CLASP1: variants seen among roughly 807,000 people sequenced by gnomAD.
CLASP1 encodes the protein CLIP-associating protein 1.
CLASP1 carries 38 observed loss-of-function variants against 192.3 expected under a neutral mutation model. The observed-to-expected ratio is 0.20, with a 90% CI of 0.15 to 0.26. The LOEUF is 0.26. Among genes scored for constraint, CLASP1 ranks in the 10% least tolerant of loss-of-function variants. CLASP1 has a pLI of 1.00. For synonymous variants in CLASP1, 691 were observed against 712.8 expected (o/e 0.97, Z 0.49); for missense variants, 1,433 against 1,932.5 (o/e 0.74, Z 4.85).
chr2:121,500,418 A>G (rs994837200), intron 8 of CLASP1, among the ~76,000 whole-genome samples: 13 of 150,692 alleles, frequency 8.6e-5, no homozygotes, highest in African/African-American at 3.2e-4. Flanking sequence ...AGAAAGAAAA[A>G]AAAGAAAAGA....
chr2:121,434,044 T>A (rs962118503), intron 19 of CLASP1, among the ~76,000 whole-genome samples: 1 of 152,224 alleles, frequency 6.6e-6, no homozygotes, highest in African/African-American at 2.4e-5. Flanking sequence ...TTTTGGAGTA[T>A]CTTTTCCATT....
chr2:121,436,587 T>C (rs1042579291), intron 19 of CLASP1, among the ~76,000 whole-genome samples: 2 of 151,774 alleles, frequency 1.3e-5, no homozygotes, highest in Non-Finnish European at 2.9e-5. Flanking sequence ...ATTTTGGTAT[T>C]ATAAGCAGAG....
chr2:121,410,189 T>G (rs1042762232), intron 24 of CLASP1, among the ~76,000 whole-genome samples: 29 of 152,126 alleles, frequency 1.9e-4, no homozygotes, highest in African/African-American at 6.8e-4. Context: ...AACCAGAATA[T>G]GCAAGAGACT....
intron 1 of CLASP1, among the ~76,000 whole-genome samples, chr2:121,607,852 T>C (rs1053082126): frequency 6.6e-6 from 1 of 152,118 alleles, no homozygotes; most frequent in Non-Finnish European, 1.5e-5. Flanking sequence ...AATCTCAACG[T>C]AAAAACATTG....
At chr2:121,373,947 A>G (rs1273534429) in intron 34 of CLASP1, among the ~76,000 whole-genome samples, 1 of 152,214 alleles carries the variant, frequency 6.6e-6, no homozygotes, top group Non-Finnish European at 1.5e-5. Flanking sequence ...AGAAAAACCC[A>G]TTTTTGGGAA....
intron 1 of CLASP1, among the ~76,000 whole-genome samples, chr2:121,639,800 T>C (rs2071663757): frequency 6.7e-6 from 1 of 149,344 alleles, no homozygotes; most frequent in Admixed American, 6.7e-5. Context: ...GAGGCAGAGG[T>C]TGCAGTAAGC....
chr2:121,492,291 A>G (rs993609698), intron 8 of CLASP1, among the ~76,000 whole-genome samples: 1 of 147,442 alleles, frequency 6.8e-6, no homozygotes, highest in African/African-American at 2.5e-5. Context: ...CGGGAGGCTG[A>G]GGCAGTAGAA....
chr2:121,423,734 T>A (rs1242113620), intron 22 of CLASP1, among the ~76,000 whole-genome samples: 1 of 152,180 alleles, frequency 6.6e-6, no homozygotes, highest in African/African-American at 2.4e-5. Context: ...CCAAATAACT[T>A]GTCAGCTAAG....
Position 121,504,578 on chromosome 2 carries a change from T to C in CLASP1, c.645-1344A>G, listed in dbSNP as rs920885353. The stretch of plus-strand genomic sequence containing the variant: ...AAACTGTAGGTATTCACACAAGCTC[T>C]GGTGTTAGTTCATTCATTTGTTCAT... On this transcript the variant is annotated intron_variant, in intron 7 of 39. Transcript: ENST00000263710. Among the ~76,000 whole-genome samples the C allele has an allele frequency of 7.2e-5, 11 of 152,350 alleles. No homozygotes were observed. In the East Asian group the frequency reaches 2.1e-3, roughly 29 times the overall value.
Position 121,459,962 on chromosome 2 carries a change from G to C in CLASP1, c.1178+18C>G. 6.2e-7 allele frequency: 1 copy of C among 1,603,214 alleles called. No homozygotes were observed. The highest frequency in any genetic ancestry group is 8.5e-7 in the Non-Finnish European group (1 of 1,174,986). On this transcript the variant is annotated intron_variant, in intron 12 of 39. Coordinates refer to ENST00000263710, the Ensembl canonical transcript of CLASP1. ...GACACTATTTTATGGTGAGAATATG[G>C]AGCATCGCAGTCCTTACCCCAACGT...
At chr2:121,621,083 T>C (rs2067261896) in intron 1 of CLASP1, among the ~76,000 whole-genome samples, 1 of 151,954 alleles carries the variant, frequency 6.6e-6, no homozygotes, top group African/African-American at 2.4e-5. Context: ...CAAAAATTAA[T>C]TGGTACATGC....
intron 1 of CLASP1, among the ~76,000 whole-genome samples, chr2:121,618,786 AG>A (rs1289780761): frequency 1.3e-5 from 2 of 152,194 alleles, no homozygotes; most frequent in African/African-American, 4.8e-5. Flanking sequence ...CTAGATACTA[AG>A]AAGATGAAAT....
intron 8 of CLASP1, among the ~76,000 whole-genome samples, chr2:121,478,741 CCCACACACA>C (rs2092055426): frequency 1.6e-4 from 8 of 51,366 alleles, no homozygotes; most frequent in African/African-American, 3.5e-4. Context: ...ACACACACAC[CCCACACACA>C]CCACACACAC....
chr2:121,502,502 AT>A (rs1369906706), intron 8 of CLASP1, among the ~76,000 whole-genome samples: 3 of 152,236 alleles, frequency 2.0e-5, no homozygotes, highest in Non-Finnish European at 4.4e-5. Context: ...CACAGGGCAA[AT>A]ACTTCAGGCA....
chr2:121,570,369 A>G (rs1490143269), intron 2 of CLASP1, among the ~76,000 whole-genome samples: 1 of 152,244 alleles, frequency 6.6e-6, no homozygotes, highest in Admixed American at 6.5e-5. Context: ...CATAAAGCCA[A>G]TCTTCTCTTG....
intron 2 of CLASP1, among the ~76,000 whole-genome samples, chr2:121,591,562 G>A (rs2062407422): frequency 6.6e-6 from 1 of 152,190 alleles, no homozygotes; most frequent in Admixed American, 6.5e-5. Context: ...CTACAGTGCT[G>A]CAGGGAAGTC....
chr2:121,452,745 C>T lies in CLASP1; in HGVS notation c.1386-896G>A, dbSNP rs559495159. On this transcript the variant is annotated intron_variant, in intron 14 of 39. Transcript: ENST00000263710. ...GGCAGAGGTTGCAGTGAGCCGAGAT[C>T]GTGCCACTGCACTCCAGCCTAGGCG... is the stretch of plus-strand genomic sequence containing the variant. 2.1e-3 allele frequency among the ~76,000 whole-genome samples: 320 copies of T among 152,196 alleles called. 1 individual carries two copies. The highest frequency in any genetic ancestry group is 7.2e-3 in the African/African-American group (299 of 41,520).
Position 121,372,755 on chromosome 2 carries a change from G to C in CLASP1, c.3642+4744C>G, listed in dbSNP as rs116762340. On this transcript the variant is annotated intron_variant, in intron 34 of 39. Coordinates refer to ENST00000263710, the Ensembl canonical transcript of CLASP1. ...ATAAGTATGACTATGCCACTTCCCT[G>C]CTTAAAGATCCTTCAATGACTCCAG... 7.1e-3 allele frequency among the ~76,000 whole-genome samples: 1,075 copies of C among 152,248 alleles called. 7 individuals carry two copies. Among genetic ancestry groups the C allele is most frequent in the African/African-American group, 0.024 (1,000 of 41,542 alleles).
intron 30 of CLASP1, among the ~76,000 whole-genome samples, chr2:121,393,871 T>TAA (rs151255744): frequency 1.2e-4 from 17 of 141,488 alleles, no homozygotes; most frequent in African/African-American, 2.6e-4. Flanking sequence ...CTTGGATGAT[T>TAA]AAAAAAAAAA....
Sources: allele counts gnomAD v4.1 joint callset (sites outside exome capture counted in the v4.1 genomes callset), GRCh38; gene constraint gnomAD v4.1.1; transcripts MANE v1.5; gene names NCBI Gene and HGNC (gene_info 2026-07-23, HGNC 2026-07-21).